CX3CR1: variants seen among roughly 807,000 people sequenced by gnomAD.
The protein encoded by CX3CR1 is C-X3-C motif chemokine receptor 1.
For missense variants in CX3CR1, 363 were observed against 432.4 expected, an observed-to-expected ratio of 0.84 and a Z score of 1.42; for synonymous variants, 168 against 178.5, an observed-to-expected ratio of 0.94 and a Z score of 0.47.
chr3:39,281,676 G>A (rs187806548), upstream of CX3CR1: 15 of 1,598,734 alleles, frequency 9.4e-6, no homozygotes, highest in East Asian at 1.3e-4. Flanking sequence ...CAACTTAAAC[G>A]CCTCCAGGGG....
At chr3:39,291,700 G>A in the CX3CR1 span, among the ~76,000 whole-genome samples, 2 of 152,298 alleles carry the variant, frequency 1.3e-5, no homozygotes, top group Non-Finnish European at 2.9e-5. Context: ...ACTCCCACAG[G>A]CACCAAGAGT....
chr3:39,272,085 G>A (rs752954592), intron 1 of CX3CR1, among the ~76,000 whole-genome samples: 2 of 152,206 alleles, frequency 1.3e-5, no homozygotes, highest in Non-Finnish European at 2.9e-5. Flanking sequence ...AGACTTTGCA[G>A]TGTCTACCCA....
intron 1 of CX3CR1, among the ~76,000 whole-genome samples, chr3:39,270,809 G>C (rs376565773): frequency 2.2e-4 from 33 of 152,172 alleles, no homozygotes; most frequent in African/African-American, 7.7e-4. Context: ...TAATTAATTC[G>C]TTTGGAATTT....
intron 1 of CX3CR1, among the ~76,000 whole-genome samples, chr3:39,272,471 CATT>C (rs1465441741): frequency 6.6e-6 from 1 of 152,214 alleles, no homozygotes; most frequent in Non-Finnish European, 1.5e-5. Context: ...GGACACTCAT[CATT>C]ACCCATTGTT....
chr3:39,273,469 A>G (rs561906761), intron 1 of CX3CR1, among the ~76,000 whole-genome samples: 2 of 152,350 alleles, frequency 1.3e-5, no homozygotes, highest in East Asian at 3.9e-4. Flanking sequence ...TAAGAGCCAC[A>G]TGTTTCACAG....
At chr3:39,277,891 T>C (rs1471237720) in intron 1 of CX3CR1, among the ~76,000 whole-genome samples, 4 of 152,240 alleles carry the variant, frequency 2.6e-5, no homozygotes, top group African/African-American at 7.2e-5. Context: ...GACAACAACA[T>C]ATATCGTTTC....
chr3:39,280,389 A>G, upstream of CX3CR1: 22 of 985,524 alleles, frequency 2.2e-5, no homozygotes, highest in Non-Finnish European at 2.7e-5. Flanking sequence ...GAGGGAGCCC[A>G]GAGTACTCAC....
intron 1 of CX3CR1, among the ~76,000 whole-genome samples, chr3:39,273,955 T>C (rs1473395761): frequency 6.6e-6 from 1 of 152,172 alleles, no homozygotes; most frequent in Non-Finnish European, 1.5e-5. Flanking sequence ...AAGAGCAACA[T>C]GAGTCCTAGG....
chr3:39,280,698 C>T (rs2040886815), upstream of CX3CR1, among the ~76,000 whole-genome samples: 1 of 152,200 alleles, frequency 6.6e-6, no homozygotes, highest in Non-Finnish European at 1.5e-5. Flanking sequence ...ACACAGCTTT[C>T]ACCCAGGACC....
At position 39,265,750 on chromosome 3, in the gene CX3CR1, C is replaced by G; in HGVS notation, c.760G>C (p.Glu254Gln). The G allele has an allele frequency of 1.2e-6, 2 of 1,614,160 alleles. No individual in the cohort carries two copies. Among genetic ancestry groups the G allele is most frequent in the East Asian group, 4.5e-5 (2 of 44,890 alleles). The change falls in exon 2 of 2, where the codon GAG becomes CAG. Residue 254 changes from glutamate to glutamine, a missense_variant. Physicochemically the swap from Glu to Gln is conservative, Grantham distance 29 (BLOSUM62 2). Coordinates refer to ENST00000399220, the MANE Select transcript of CX3CR1 (RefSeq NM_001337.4). The stretch of plus-strand genomic sequence containing the variant: ...AAGAAGTCATAGAGCTTAAGCGTCT[C>G]CAGGAAAATCATAACGTTGTAGGGT... ...WTPYNVMIFL[E>Q]TLKLYDFFPS...
chr3:39,266,352 A>G lies in CX3CR1; in HGVS notation c.158T>C (p.Val53Ala), dbSNP rs1178214873. ...CTTCTTGCTGTTGGTGAGGGCAAAC[A>G]CTACCAACAAATTTCCCACCAGGCC... is the stretch of plus-strand genomic sequence containing the variant. ...AIGLVGNLLV[V>A]FALTNSKKPK... is the part of the protein sequence containing the mutation. Residue 53 changes from valine to alanine, a missense_variant, in exon 2 of 2, where the codon GTG becomes GCG. Val to Ala is a moderately conservative substitution (Grantham distance 64, BLOSUM62 0). Coordinates refer to ENST00000399220, the MANE Select transcript of CX3CR1 (RefSeq NM_001337.4). The G allele has an allele frequency of 6.2e-7, 1 of 1,614,208 alleles. No individual in the cohort carries two copies. The highest frequency in any genetic ancestry group is 8.5e-7 in the Non-Finnish European group (1 of 1,180,030).
Position 39,263,961 on chromosome 3 carries a change from C to T in CX3CR1, c.*1481G>A, listed in dbSNP as rs1329704461. 1 of 152,118 alleles carries T rather than the reference C, an allele frequency of 6.6e-6. No individual in the cohort carries two copies. Among genetic ancestry groups the T allele is most frequent in the Non-Finnish European group, 1.5e-5 (1 of 68,022 alleles). 9.4% of individuals were successfully genotyped at this position (152,118 alleles called of 1,614,324 possible). A position where few individuals can be genotyped will look rare whatever the true frequency, so the allele number is the denominator to read the frequency against. ...CTTTAAACTTTTAGATTGTTCCAAA[C>T]GTTTCTAGGGGGGAAAAAAAAGCTG... On this transcript the variant is annotated 3_prime_UTR_variant, in exon 2 of 2. Transcript: ENST00000399220.
the CX3CR1 span, among the ~76,000 whole-genome samples, chr3:39,292,828 C>G: frequency 6.6e-6 from 1 of 152,142 alleles, no homozygotes; most frequent in African/African-American, 2.4e-5. Flanking sequence ...ACTGTAGGCA[C>G]CAGTCTGGTA....
chr3:39,277,213 C>T (rs2669841), intron 1 of CX3CR1, among the ~76,000 whole-genome samples: 40,231 of 152,048 alleles, frequency 0.26, 5,350 homozygotes, highest in South Asian at 0.29. Context: ...ATGAGGGGGT[C>T]GAAGCATCAG....
chr3:39,277,223 G>A (rs2040849775), intron 1 of CX3CR1, among the ~76,000 whole-genome samples: 1 of 152,198 alleles, frequency 6.6e-6, no homozygotes, highest in South Asian at 2.1e-4. Context: ...CGAAGCATCA[G>A]CTGTGGCCAG....
chr3:39,281,264 G>A (rs1419745350), upstream of CX3CR1: 3 of 1,089,538 alleles, frequency 2.8e-6, no homozygotes, highest in Non-Finnish European at 3.4e-6. Flanking sequence ...GAAGGCCACA[G>A]GACAAAAGCA....
chr3:39,275,713 G>T (rs1257153077), intron 1 of CX3CR1, among the ~76,000 whole-genome samples: 1 of 152,164 alleles, frequency 6.6e-6, no homozygotes, highest in African/African-American at 2.4e-5. Context: ...GAGAATCTCT[G>T]TGTTGAAAGA....
upstream of CX3CR1, chr3:39,286,576 G>A (rs1042152521): frequency 9.3e-5 from 14 of 150,426 alleles, no homozygotes; most frequent in South Asian, 4.2e-4. Context: ...GCGTGAACCC[G>A]GGAAGCGGAG....
Position 39,277,912 on chromosome 3 carries a change from A to G in CX3CR1, c.-10+2042T>C, listed in dbSNP as rs764513335. Among the ~76,000 whole-genome samples the G allele has an allele frequency of 2.0e-5, 3 of 152,218 alleles. 1 individual carries two copies. The South Asian group carries it at 6.2e-4, about 31-fold the overall frequency. On this transcript the variant is annotated intron_variant, in intron 1 of 1. Coordinates refer to ENST00000399220, the MANE Select transcript of CX3CR1 (RefSeq NM_001337.4). ...AACATATATCGTTTCTTGAGCATCA[A>G]AGATGGGTCAGGCAGTGTGTTTGGG...
Sources: gnomAD v4.1 joint callset for allele counts (sites outside exome capture counted in the v4.1 genomes callset) on GRCh38, gnomAD v4.1.1 for gene constraint, MANE v1.5 for transcripts, NCBI Gene and HGNC (gene_info 2026-07-23, HGNC 2026-07-21) for gene names.